HTATIP2: variants seen among roughly 807,000 people sequenced by gnomAD.
HTATIP2 encodes HIV-1 Tat interactive protein 2.
HTATIP2 carries 26 observed loss-of-function variants against 24.7 expected under a neutral mutation model. The observed-to-expected ratio is 1.05, with a 90% confidence interval of 0.77 to 1.46. HTATIP2 has a LOEUF of 1.46. HTATIP2 is among the 40% of genes most tolerant of loss of function. The pLI, the probability that HTATIP2 is intolerant of heterozygous loss-of-function variation, is 0.00. For missense variants in HTATIP2, 284 were observed against 289.6 expected (o/e 0.98, Z 0.14); for synonymous variants, 99 against 113.2 (o/e 0.87, Z 0.79).
In HTATIP2 at chr11:20,383,318, G is replaced by A; in HGVS notation, c.*113G>A. ...TAACTTTGTTGTTTTACTATCCTCA[G>A]GCATCCATTCCAATCAAGAAATGAT... On this transcript the variant is annotated 3_prime_UTR_variant, in exon 5 of 5. Transcript: ENST00000451739. The A allele has an allele frequency of 1.4e-6, 1 of 738,934 alleles. No individual in the cohort carries two copies. The highest frequency in any genetic ancestry group is 2.5e-5 in the Admixed American group (1 of 39,772). 45.8% of individuals were successfully genotyped at this position (738,934 alleles called of 1,614,324 possible). A position where few individuals can be genotyped will look rare whatever the true frequency, so the allele number is the denominator to read the frequency against.
chr11:20,376,519 A>G, intron 2 of HTATIP2, 61 bp from the exon 3 acceptor site: 2 of 1,589,288 alleles, frequency 1.3e-6, no homozygotes, highest in Non-Finnish European at 1.7e-6. Flanking sequence ...CAAGCCAAGT[A>G]GTAATCTTTA....
chr11:20,367,332 G>C (rs1462434323), intron 2 of HTATIP2, 51 bp downstream of exon 2: 2 of 1,612,572 alleles, frequency 1.2e-6, no homozygotes, highest in East Asian at 2.2e-5. Context: ...TAATATCAAG[G>C]ATTCTTTTCT....
At chr11:20,367,124 G>T (rs556049921) in intron 1 of HTATIP2, 50 bp from the exon 2 acceptor site, 1 of 1,599,164 alleles carries the variant, frequency 6.3e-7, no homozygotes, top group South Asian at 1.1e-5. Context: ...GGGGTTTTTG[G>T]TCTGTTGTTT....
chr11:20,383,341 G>A lies in HTATIP2; in HGVS notation c.*136G>A, dbSNP rs372324685. On this transcript the variant is annotated 3_prime_UTR_variant, in exon 5 of 5. Transcript: ENST00000451739. ...CAGGCATCCATTCCAATCAAGAAAT[G>A]ATGGTGCTCTGCATCAGTGGTTCAG... 4.9e-5 allele frequency: 32 copies of A among 655,576 alleles called. No homozygotes were observed. The East Asian group carries it at 6.2e-4, about 13-fold the overall frequency. The allele number at this position is 655,576 out of a possible 1,614,324, so 40.6% of individuals were successfully genotyped here. A position where few individuals can be genotyped will look rare whatever the true frequency, so the allele number is the denominator to read the frequency against.
At chr11:20,371,764 A>G (rs565879731) in intron 2 of HTATIP2, among the ~76,000 whole-genome samples, 36 of 152,162 alleles carry the variant, frequency 2.4e-4, no homozygotes, top group Non-Finnish European at 4.4e-4. Context: ...TATGAAACAC[A>G]GAAGAAAGAA....
chr11:20,376,600 C>T lies in HTATIP2; in HGVS notation c.324C>T (p.Asp108=). Residue 108 remains aspartate (D), a synonymous_variant, in exon 3 of 5, where the codon GAC becomes GAT. Coordinates refer to ENST00000451739, the MANE Select transcript of HTATIP2 (RefSeq NM_001098522.2). ...KAGAEGFVRV[D]RDYVLKSAEL... ...CTTAGGAGGGATTTGTTCGTGTTGA[C>T]CGAGATTATGTGCTGAAGTCTGCAG... 6.2e-7 allele frequency: 1 copy of T among 1,613,858 alleles called. No homozygotes were observed. Among genetic ancestry groups the T allele is most frequent in the Non-Finnish European group, 8.5e-7 (1 of 1,179,906 alleles).
chr11:20,376,349 C>T (rs1848445457), intron 2 of HTATIP2: 3 of 510,636 alleles, frequency 5.9e-6, no homozygotes, highest in South Asian at 2.8e-5. Context: ...TGTCATTGTC[C>T]TTGTTTCCTT....
At chr11:20,375,640 G>C (rs1381410132) in intron 2 of HTATIP2, among the ~76,000 whole-genome samples, 1 of 152,190 alleles carries the variant, frequency 6.6e-6, no homozygotes, top group Non-Finnish European at 1.5e-5. Context: ...ACCTCATTCT[G>C]TAATTGTGAC....
At position 20,364,358 on chromosome 11, in the gene HTATIP2, CAGG is replaced by C; in HGVS notation, c.122_124del (p.Gln41_Gly42delinsArg). ...AGTGCTCTTAAAGGAAATCCTGGAG[CAGG>C]GCCTGTTTTCCAAAGTCACGCTCAT... On this transcript the variant is annotated inframe_deletion, in exon 1 of 5. Coordinates refer to ENST00000451739, the MANE Select transcript of HTATIP2 (RefSeq NM_001098522.2). 1 of 1,613,590 alleles carries C rather than the reference CAGG, an allele frequency of 6.2e-7. No homozygotes were observed. Among genetic ancestry groups the C allele is most frequent in the Non-Finnish European group, 8.5e-7 (1 of 1,179,642 alleles).
At chr11:20,366,835 A>T (rs2064713020) in intron 1 of HTATIP2, among the ~76,000 whole-genome samples, 1 of 152,190 alleles carries the variant, frequency 6.6e-6, no homozygotes, top group Admixed American at 6.5e-5. Context: ...TAAGATGCCA[A>T]ACGCCATCTC....
rs1251933347 is a variant in HTATIP2, at chr11:20,376,665, T to C, written c.389T>C (p.Leu130Pro). 2 of 1,613,832 alleles carry C rather than the reference T, an allele frequency of 1.2e-6. No homozygotes were observed. The highest frequency in any genetic ancestry group is 1.7e-6 in the Non-Finnish European group (2 of 1,179,730). Reference sequence around the variant, plus strand: ...GGAGGGTGCAAACATTTCAACTTGCTATCCTCTAAAGGAGCTGATAAATCA... The same window carrying C: ...GGAGGGTGCAAACATTTCAACTTGCCATCCTCTAAAGGAGCTGATAAATCA... The part of the protein sequence containing the change: ...KAGGCKHFNL[L>P]SSKGADKSSN... Residue 130 changes from leucine (L) to proline (P), a missense_variant, in exon 3 of 5, where the codon CTA becomes CCA. Physicochemically the swap from Leu to Pro is moderately conservative, Grantham distance 98 (BLOSUM62 -3). Coordinates refer to ENST00000451739, the MANE Select transcript of HTATIP2 (RefSeq NM_001098522.2).
intron 2 of HTATIP2, among the ~76,000 whole-genome samples, chr11:20,370,375 G>GTGA (rs1158432036): frequency 6.6e-6 from 1 of 152,184 alleles, no homozygotes; most frequent in Non-Finnish European, 1.5e-5. Context: ...GATTTGATTA[G>GTGA]TGAATTCAAG....
At chr11:20,364,475 G>T (rs1158974335) in intron 1 of HTATIP2, 43 bp downstream of exon 1, 1 of 1,512,456 alleles carries the variant, frequency 6.6e-7, no homozygotes, top group Admixed American at 1.8e-5. Context: ...CCAGGATTCT[G>T]CGAGGTGAAC....
At chr11:20,367,741 C>T (rs748142180) in intron 2 of HTATIP2, 7 of 868,906 alleles carry the variant, frequency 8.1e-6, no homozygotes, top group African/African-American at 3.6e-5. Flanking sequence ...AACACAGGCA[C>T]GATTCAACCA....
Position 20,363,741 on chromosome 11 carries a change from C to T in HTATIP2, c.-497C>T. 8.1e-7 allele frequency: 1 copy of T among 1,233,938 alleles called. No homozygotes were observed. 76.4% of individuals were successfully genotyped at this position (1,233,938 alleles called of 1,614,324 possible). On this transcript the variant is annotated 5_prime_UTR_variant, in exon 1 of 5. Transcript: ENST00000451739. ...CGTCGCCGCGAGGCCACCCGGAAGA[C>T]CAAGCCGGGTAGGCGCTGTCTCCGT...
chr11:20,381,816 C>T (rs1451332495), intron 3 of HTATIP2, among the ~76,000 whole-genome samples: 6 of 152,166 alleles, frequency 3.9e-5, no homozygotes, highest in South Asian at 2.1e-4. Flanking sequence ...ACCAAAAAAA[C>T]GTTAGTGTCT....
chr11:20,374,582 C>T (rs759678512), intron 2 of HTATIP2, among the ~76,000 whole-genome samples: 2 of 152,192 alleles, frequency 1.3e-5, no homozygotes, highest in Non-Finnish European at 2.9e-5. Context: ...TGCATTACTC[C>T]AGCCTGCTCT....
chr11:20,379,011 TGGGGACAGAG>T (rs1294022040), intron 3 of HTATIP2, among the ~76,000 whole-genome samples: 1 of 151,966 alleles, frequency 6.6e-6, no homozygotes, highest in East Asian at 1.9e-4. Context: ...CACTCCAGCT[TGGGGACAGAG>T]TGAGACTCTG....
chr11:20,376,615 G>A lies in HTATIP2; in HGVS notation c.339G>A (p.Leu113=), dbSNP rs1222677243. ...GFVRVDRDYV[L]KSAELAKAGG... is the part of the protein sequence containing the mutation. Reference sequence around the variant, plus strand: ...TTCGTGTTGACCGAGATTATGTGCTGAAGTCTGCAGAGCTGGCAAAAGCTG... The same window carrying A: ...TTCGTGTTGACCGAGATTATGTGCTAAAGTCTGCAGAGCTGGCAAAAGCTG... The change falls in exon 3 of 5, where the codon CTG becomes CTA. Residue 113 remains leucine, a synonymous_variant. Transcript: ENST00000451739. 6.2e-7 allele frequency: 1 copy of A among 1,614,046 alleles called. No individual in the cohort carries two copies. Among genetic ancestry groups the A allele is most frequent in the Admixed American group, 1.7e-5 (1 of 60,006 alleles).
Sources: gnomAD v4.1 joint callset for allele counts (sites outside exome capture counted in the v4.1 genomes callset) on GRCh38, gnomAD v4.1.1 for gene constraint, MANE v1.5 for transcripts, NCBI Gene and HGNC (gene_info 2026-07-23, HGNC 2026-07-21) for gene names.